The following PSTPIP2 variants were observed in gnomAD, a reference collection of about 807,000 sequenced individuals.
PSTPIP2 encodes proline-serine-threonine phosphatase-interacting protein 2.
In PSTPIP2, 33 loss-of-function variants were observed where a neutral mutation model predicts 63.3. The ratio of observed to expected loss-of-function variants is 0.52; its 90% CI spans 0.40 to 0.70. PSTPIP2 has a LOEUF of 0.70. PSTPIP2 is among the 30% of genes least tolerant of loss of function. The pLI is 0.00. For missense variants in PSTPIP2, 312 were observed against 400.7 expected (o/e 0.78, Z 1.89); for synonymous variants, 125 against 132.7 (o/e 0.94, Z 0.40).
intron 1 of PSTPIP2, among the ~76,000 whole-genome samples, chr18:46,057,454 A>G (rs1908800074): frequency 6.6e-6 from 1 of 151,232 alleles, no homozygotes; most frequent in Non-Finnish European, 1.5e-5. Context: ...CAGCCTCCAG[A>G]GTAGCTAGGA....
chr18:46,042,417 C>T (rs1167434109), intron 1 of PSTPIP2, among the ~76,000 whole-genome samples: 2 of 152,154 alleles, frequency 1.3e-5, no homozygotes, highest in East Asian at 3.9e-4. Flanking sequence ...CTCTGAGTAG[C>T]CCCAATTCTC....
intron 10 of PSTPIP2, 105 bp downstream of exon 10, chr18:45,993,500 C>T: frequency 9.3e-7 from 1 of 1,074,888 alleles, no homozygotes; most frequent in South Asian, 1.4e-5. Flanking sequence ...GGCAAGTCAC[C>T]TTACTTCACC....
intron 10 of PSTPIP2, among the ~76,000 whole-genome samples, chr18:45,993,384 C>T (rs902956466): frequency 3.9e-5 from 6 of 152,144 alleles, no homozygotes; most frequent in African/African-American, 9.7e-5. Flanking sequence ...AGTGAACCAC[C>T]GCTCCCAGCC....
intron 6 of PSTPIP2, among the ~76,000 whole-genome samples, chr18:46,005,051 C>A (rs1237820402): frequency 1.3e-5 from 2 of 152,160 alleles, no homozygotes; most frequent in Non-Finnish European, 2.9e-5. Context: ...GAAATCATGT[C>A]TTTTGAGGAA....
In PSTPIP2 at chr18:46,011,249, G is replaced by T. The variant is rs2051793141; in HGVS notation, c.286C>A (p.Gln96Lys). The T allele has an allele frequency of 6.2e-7, 1 of 1,613,780 alleles. No individual in the cohort carries two copies. Among genetic ancestry groups the T allele is most frequent in the East Asian group, 2.2e-5 (1 of 44,866 alleles). ...NVAQCHIQLA[Q>K]SLREEARKME... is the part of the protein sequence containing the mutation. ...TTCCTGGCCTCTTCTCTTAAACTCT[G>T]TGCAAGCTGAATGTGACATTGTGCC... The change falls in exon 5 of 15, where the codon CAG becomes AAG. Residue 96 changes from glutamine to lysine, a missense_variant. Gln to Lys is a moderately conservative substitution (Grantham distance 53). Coordinates refer to ENST00000409746, the MANE Select transcript of PSTPIP2 (RefSeq NM_024430.4).
rs553683470 is a variant in PSTPIP2, at chr18:46,025,833, C to T, written c.135-1147G>A. Among the ~76,000 whole-genome samples the T allele has an allele frequency of 1.6e-4, 25 of 152,326 alleles. No individual in the cohort carries two copies. The East Asian group carries it at 4.6e-3, about 28-fold the overall frequency. On this transcript the variant is annotated intron_variant, in intron 2 of 14. Transcript: ENST00000409746. ...GCAGTGGCACAATCTCGGCTCACTG[C>T]GACCTCCGCCTCCCGGGTTCAAGCG...
Position 46,033,193 on chromosome 18 carries a change from C to T in PSTPIP2, c.134+6754G>A, listed in dbSNP as rs1907843341. ...GCCACCCAGGTGTCTAAACTCCCAT[C>T]CCGATACTCTATTTCCCATGATGCT... On this transcript the variant is annotated intron_variant, in intron 2 of 14. Transcript: ENST00000409746. 2.0e-5 allele frequency among the ~76,000 whole-genome samples: 3 copies of T among 152,228 alleles called. No individual in the cohort carries two copies. The South Asian group carries it at 6.2e-4, about 32-fold the overall frequency.
intron 4 of PSTPIP2, among the ~76,000 whole-genome samples, chr18:46,012,532 T>C (rs1250774782): frequency 6.6e-6 from 1 of 152,204 alleles, no homozygotes; most frequent in Non-Finnish European, 1.5e-5. Flanking sequence ...CCCAGCACTT[T>C]GGGAGGCTGA....
Position 46,003,081 on chromosome 18 carries a change from T to C in PSTPIP2, c.417+2388A>G, listed in dbSNP as rs80307739. The stretch of plus-strand genomic sequence containing the variant: ...AAGGTGAGGCATCATCTCATTACTG[T>C]CATGTGAGTGTGAAAGTCCAGGTTT... On this transcript the variant is annotated intron_variant, in intron 6 of 14. Coordinates refer to ENST00000409746, the MANE Select transcript of PSTPIP2 (RefSeq NM_024430.4). Among the ~76,000 whole-genome samples the C allele has an allele frequency of 3.2e-3, 482 of 152,352 alleles. 4 individuals are homozygous for C. Among genetic ancestry groups the C allele is most frequent in the Middle Eastern group, 0.014 (4 of 294 alleles).
At chr18:45,997,252 T>C (rs1283442118) in intron 9 of PSTPIP2, among the ~76,000 whole-genome samples, 1 of 152,100 alleles carries the variant, frequency 6.6e-6, no homozygotes. Context: ...GCAATGGCAC[T>C]ATCTTGGCTC....
At chr18:46,017,397 C>G (rs969139949) in intron 3 of PSTPIP2, among the ~76,000 whole-genome samples, 2 of 152,082 alleles carry the variant, frequency 1.3e-5, no homozygotes, top group Non-Finnish European at 2.9e-5. Flanking sequence ...ATTTATCATT[C>G]TTGGGATTAA....
chr18:45,994,755 C>G (rs1482471231), intron 9 of PSTPIP2, among the ~76,000 whole-genome samples: 2 of 152,070 alleles, frequency 1.3e-5, no homozygotes, highest in African/African-American at 4.8e-5. Context: ...TACCAATTAC[C>G]CTACTCTCTG....
intron 1 of PSTPIP2, among the ~76,000 whole-genome samples, chr18:46,062,236 G>A (rs544725783): frequency 6.6e-6 from 1 of 152,246 alleles, no homozygotes; most frequent in Admixed American, 6.5e-5. Context: ...CTCCCTGAGA[G>A]GTATTCTGAA....
chr18:46,059,060 A>C (rs1446392060), intron 1 of PSTPIP2, among the ~76,000 whole-genome samples: 1 of 148,144 alleles, frequency 6.8e-6, no homozygotes, highest in Non-Finnish European at 1.5e-5. Flanking sequence ...TTTGTGAGAT[A>C]GGGTCTCCCT....
Position 45,988,776 on chromosome 18 carries a change from A to T in PSTPIP2, c.956-17T>A, listed in dbSNP as rs760774035. The T allele has an allele frequency of 1.3e-6, 2 of 1,533,430 alleles. No individual in the cohort carries two copies. The highest frequency in any genetic ancestry group is 1.8e-6 in the Non-Finnish European group (2 of 1,107,136). The allele number at this position is 1,533,430 out of a possible 1,614,324, so 95.0% of individuals were successfully genotyped here. A position where few individuals can be genotyped will look rare whatever the true frequency, so the allele number is the denominator to read the frequency against. On this transcript the variant is annotated splice_polypyrimidine_tract_variant and intron_variant, in intron 13 of 14. Coordinates refer to ENST00000409746, the MANE Select transcript of PSTPIP2 (RefSeq NM_024430.4). ...TGGGATCATCTGCAAAAGGCAGAACACAGAAAACAACAGTAACATCAATTT... is the reference window on the plus strand; with the variant it reads ...TGGGATCATCTGCAAAAGGCAGAACTCAGAAAACAACAGTAACATCAATTT...
At chr18:46,003,524 C>T (rs1323638838) in intron 6 of PSTPIP2, among the ~76,000 whole-genome samples, 7 of 152,080 alleles carry the variant, frequency 4.6e-5, no homozygotes, top group Non-Finnish European at 8.8e-5. Flanking sequence ...TAGGCTGCCC[C>T]TTTTCTGGTC....
At chr18:46,069,799 C>T (rs944567187) in intron 1 of PSTPIP2, among the ~76,000 whole-genome samples, 7 of 152,182 alleles carry the variant, frequency 4.6e-5, no homozygotes, top group Non-Finnish European at 8.8e-5. Context: ...TGTATCCCTT[C>T]ATCTCTTCCT....
chr18:46,029,411 G>T (rs759860781), intron 2 of PSTPIP2: 11 of 1,487,918 alleles, frequency 7.4e-6, no homozygotes, highest in Non-Finnish European at 1.0e-5. Context: ...CCTCTTCGGG[G>T]ATGGAGAAGT....
intron 2 of PSTPIP2, chr18:46,028,326 A>C: frequency 2.1e-6 from 1 of 472,284 alleles, no homozygotes; most frequent in Admixed American, 2.7e-5. Flanking sequence ...GGAAAGCCGG[A>C]GCGGGGCCGA....
Sources: allele counts gnomAD v4.1 joint callset (sites outside exome capture counted in the v4.1 genomes callset), GRCh38; gene constraint gnomAD v4.1.1; transcripts MANE v1.5; gene names NCBI Gene and HGNC (gene_info 2026-07-23, HGNC 2026-07-21).